Variants in DRC1 observed in about 807,000 individuals in gnomAD.
DRC1 encodes the protein dynein regulatory complex protein 1.
Under a neutral mutation model 98.7 loss-of-function variants are expected in DRC1, and 74 were observed. The ratio of observed to expected loss-of-function variants is 0.75; its 90% CI spans 0.62 to 0.91. The LOEUF is 0.91. Ranked by LOEUF, DRC1 falls within the 40% of genes least tolerant of loss-of-function variation. DRC1 has a pLI of 0.00. For synonymous variants in DRC1, 336 were observed against 334.1 expected, an observed-to-expected ratio of 1.01 and a Z score of -0.06; for missense variants, 875 against 886.0, an observed-to-expected ratio of 0.99 and a Z score of 0.16.
chr2:26,411,062 C>T (rs777899757), intron 1 of DRC1, among the ~76,000 whole-genome samples: 3 of 152,188 alleles, frequency 2.0e-5, no homozygotes, highest in African/African-American at 4.8e-5. Context: ...TTCAAGATGG[C>T]AGCTCCCATT....
At chr2:26,438,372 CT>C (rs1394109369) in intron 7 of DRC1, among the ~76,000 whole-genome samples, 2 of 152,066 alleles carry the variant, frequency 1.3e-5, no homozygotes, top group African/African-American at 4.8e-5. Flanking sequence ...GCAAATATTG[CT>C]TTTGCACTCA....
In DRC1 at chr2:26,450,591, G is replaced by A; in HGVS notation, c.1600-1G>A. Reference sequence around the variant, plus strand: ...AGCAACCATCCTGTTTTTCGCCCCAGGCCCTTGGAATTGAAAGTGAGGATG... The same window carrying A: ...AGCAACCATCCTGTTTTTCGCCCCAAGCCCTTGGAATTGAAAGTGAGGATG... On this transcript the variant is annotated splice_acceptor_variant, in intron 12 of 16. Coordinates refer to ENST00000288710, the MANE Select transcript of DRC1 (RefSeq NM_145038.5). LOFTEE classifies it high-confidence loss of function. 1 of 1,610,248 alleles carries A rather than the reference G, an allele frequency of 6.2e-7. No individual in the cohort carries two copies. The highest frequency in any genetic ancestry group is 8.5e-7 in the Non-Finnish European group (1 of 1,178,304).
chr2:26,419,035 T>C (rs1198327089), intron 2 of DRC1, among the ~76,000 whole-genome samples: 1 of 151,200 alleles, frequency 6.6e-6, no homozygotes, highest in Non-Finnish European at 1.5e-5. Context: ...ACTATAGGTG[T>C]GCACCACCAT....
chr2:26,452,416 C>T (rs1018984175), intron 13 of DRC1, among the ~76,000 whole-genome samples: 6 of 152,128 alleles, frequency 3.9e-5, no homozygotes, highest in Non-Finnish European at 4.4e-5. Context: ...CCTGCCACCA[C>T]GCCCGGCTAA....
chr2:26,448,206 C>T (rs1409933316), intron 10 of DRC1: 1 of 341,272 alleles, frequency 2.9e-6, no homozygotes, highest in South Asian at 2.3e-5. Flanking sequence ...GCCTGGGTGA[C>T]AGAGCAAGAC....
Position 26,429,726 on chromosome 2 carries a change from T to C in DRC1, c.639T>C (p.Asn213=), listed in dbSNP as rs750603776. The change falls in exon 5 of 17, where the codon AAT becomes AAC. Residue 213 remains asparagine, a synonymous_variant. Coordinates refer to ENST00000288710, the MANE Select transcript of DRC1 (RefSeq NM_145038.5). ...LLERMEEQVK[N]VMKTFREELY... is the part of the protein sequence containing the mutation. ...AGCGGATGGAAGAACAGGTGAAGAA[T>C]GTGATGAAAACCTTTCGTGAGGAGC... The C allele has an allele frequency of 1.9e-6, 3 of 1,614,026 alleles. No homozygotes were observed. The highest frequency in any genetic ancestry group is 1.7e-6 in the Non-Finnish European group (2 of 1,179,980).
rs773063930 is a variant in DRC1 at position 26,440,363 on chromosome 2, T to C, written c.889-15T>C. 1.1e-5 allele frequency: 17 copies of C among 1,589,760 alleles called. No individual in the cohort carries two copies. Among genetic ancestry groups the C allele is most frequent in the Admixed American group, 1.8e-5 (1 of 57,064 alleles). On this transcript the variant is annotated splice_polypyrimidine_tract_variant and intron_variant, in intron 7 of 16. Coordinates refer to ENST00000288710, the MANE Select transcript of DRC1 (RefSeq NM_145038.5). ...TGTGTGTGTATATATATATATATAG[T>C]TTTTTTAACTTTAGATTCTTGAGCA... is the stretch of plus-strand genomic sequence containing the variant.
rs73920275 is a variant in DRC1, at chr2:26,434,003, T to C, written c.888+1997T>C. On this transcript the variant is annotated intron_variant, in intron 7 of 16. Transcript: ENST00000288710. ...TGTTTTAGTAGGTTAAACTTTATCA[T>C]AGTGACTCTTAAGTGTATTTTCACT... Among the ~76,000 whole-genome samples, 695 of 152,350 alleles carry C rather than the reference T, an allele frequency of 4.6e-3. 7 individuals are homozygous for C. Among genetic ancestry groups the C allele is most frequent in the African/African-American group, 0.016 (658 of 41,572 alleles).
At chr2:26,407,733 A>T (rs1678471919) in intron 1 of DRC1, among the ~76,000 whole-genome samples, 1 of 151,892 alleles carries the variant, frequency 6.6e-6, no homozygotes, top group Admixed American at 6.6e-5. Context: ...GACGACTGCC[A>T]ACTTCAGGCC....
At chr2:26,431,850 C>G (rs771142881) in intron 6 of DRC1, 34 bp from the exon 7 acceptor site, 2 of 1,611,678 alleles carry the variant, frequency 1.2e-6, no homozygotes, top group East Asian at 4.5e-5. Flanking sequence ...CAAGGATGGT[C>G]CCTAACTTTT....
intron 10 of DRC1, among the ~76,000 whole-genome samples, chr2:26,446,094 A>ATTTTTTT (rs35251803): frequency 1.2e-5 from 1 of 83,006 alleles, no homozygotes; most frequent in African/African-American, 3.9e-5. Context: ...CAAATAGGGA[A>ATTTTTTT]TTTTTTTTTT....
intron 2 of DRC1, among the ~76,000 whole-genome samples, chr2:26,415,602 T>C (rs1678771248): frequency 6.6e-6 from 1 of 152,192 alleles, no homozygotes; most frequent in South Asian, 2.1e-4. Context: ...AGATGATTCA[T>C]GTCACTTTTT....
chr2:26,414,744 T>C (rs1229750073), intron 2 of DRC1, among the ~76,000 whole-genome samples: 1 of 152,164 alleles, frequency 6.6e-6, no homozygotes, highest in Non-Finnish European at 1.5e-5. Context: ...CAAACATATC[T>C]CCTGTTTGTT....
chr2:26,433,230 T>C (rs1572371097), intron 7 of DRC1, among the ~76,000 whole-genome samples: 1 of 152,244 alleles, frequency 6.6e-6, no homozygotes, highest in African/African-American at 2.4e-5. Context: ...GTAGATGTAA[T>C]GTAATTGCAT....
In DRC1 at chr2:26,424,409, T is replaced by A. The variant is rs7423300; in HGVS notation, c.495T>A (p.Ala165=). Reference sequence around the variant, plus strand: ...TCAATACCCAACAGCTGCACTGTGCTGGACTCTTAGAAGATAAGAATAAAC... The same window carrying A: ...TCAATACCCAACAGCTGCACTGTGCAGGACTCTTAGAAGATAAGAATAAAC... The part of the protein sequence containing the change: ...EMLNTQQLHC[A]GLLEDKNKLI... Residue 165 remains alanine (A), a synonymous_variant, in exon 4 of 17, where the codon GCT becomes GCA. Transcript: ENST00000288710. The A allele has an allele frequency of 3.7e-4, 590 of 1,613,424 alleles. No homozygotes were observed. Among genetic ancestry groups the A allele is most frequent in the Non-Finnish European group, 4.9e-4 (573 of 1,180,000 alleles).
At chr2:26,427,324 A>C (rs1413381751) in intron 4 of DRC1, among the ~76,000 whole-genome samples, 1 of 151,890 alleles carries the variant, frequency 6.6e-6, no homozygotes, top group African/African-American at 2.4e-5. Context: ...CCACGTTGCC[A>C]AGTCTGGTCT....
chr2:26,448,006 C>T (rs922061654), intron 10 of DRC1, among the ~76,000 whole-genome samples: 3 of 151,462 alleles, frequency 2.0e-5, no homozygotes, highest in Non-Finnish European at 4.4e-5. Context: ...AGGCAGATCA[C>T]TTGAGTTCAG....
intron 1 of DRC1, among the ~76,000 whole-genome samples, chr2:26,404,883 G>A (rs1678368134): frequency 6.6e-6 from 1 of 152,222 alleles, no homozygotes; most frequent in African/African-American, 2.4e-5. Flanking sequence ...GTGGGTGGGA[G>A]CATGCTTTGG....
chr2:26,417,579 T>C lies in DRC1; in HGVS notation c.243+3148T>C, dbSNP rs528666220. On this transcript the variant is annotated intron_variant, in intron 2 of 16. Transcript: ENST00000288710. ...CTTGGCCTCAGGTAATCCTCCTGCC[T>C]CAGCTTCCCAAAGTGCTGGGATTAC... 3.3e-5 allele frequency among the ~76,000 whole-genome samples: 5 copies of C among 152,340 alleles called. No individual in the cohort carries two copies. The East Asian group carries it at 9.6e-4, about 29-fold the overall frequency.
Sources: gnomAD v4.1 joint callset for allele counts (sites outside exome capture counted in the v4.1 genomes callset) on GRCh38, gnomAD v4.1.1 for gene constraint, MANE v1.5 for transcripts, NCBI Gene and HGNC (gene_info 2026-07-23, HGNC 2026-07-21) for gene names.